CPED1: variants seen among roughly 807,000 people sequenced by gnomAD.
CPED1 encodes cadherin-like and PC-esterase domain-containing protein 1.
CPED1 carries 114 observed loss-of-function variants against 128.2 expected under a neutral mutation model. The observed-to-expected ratio is 0.89, with a 90% CI of 0.76 to 1.04. The LOEUF (loss-of-function observed/expected upper bound fraction) is 1.04, where lower values mean the gene tolerates loss of function less well. Among genes scored for constraint, CPED1 ranks in the 50% least tolerant of loss-of-function variants. The pLI, the probability that CPED1 is intolerant of heterozygous loss-of-function variation, is 0.00. For missense variants in CPED1, 1,211 were observed against 1,207.1 expected (o/e 1.00, Z -0.05); for synonymous variants, 462 against 426.7 (o/e 1.08, Z -1.02).
chr7:121,207,273 T>A (rs906770545), intron 16 of CPED1, among the ~76,000 whole-genome samples: 3 of 152,120 alleles, frequency 2.0e-5, no homozygotes, highest in Admixed American at 2.0e-4. Context: ...AGAAATGGAA[T>A]TTAAAAAAAA....
intron 16 of CPED1, among the ~76,000 whole-genome samples, chr7:121,196,801 T>G (rs1797284497): frequency 6.6e-6 from 1 of 151,956 alleles, no homozygotes; most frequent in Admixed American, 6.6e-5. Context: ...CACTAAAGTT[T>G]CTTTTTTTTT....
At chr7:121,261,712 C>A in intron 18 of CPED1, 1 of 1,604,270 alleles carries the variant, frequency 6.2e-7, no homozygotes, top group Admixed American at 1.7e-5. Flanking sequence ...AAATGACCTC[C>A]CTGCCCCACC....
At chr7:121,074,131 G>C (rs1402495994) in intron 5 of CPED1, among the ~76,000 whole-genome samples, 2 of 152,204 alleles carry the variant, frequency 1.3e-5, no homozygotes, top group Non-Finnish European at 2.9e-5. Context: ...TAGAGACATT[G>C]TGTTTGAGGG....
chr7:121,008,566 G>T (rs1434450701), intron 2 of CPED1, among the ~76,000 whole-genome samples: 3 of 151,812 alleles, frequency 2.0e-5, no homozygotes, highest in Non-Finnish European at 4.4e-5. Context: ...ATATAGGCAA[G>T]CATTAGTTAT....
chr7:121,019,434 G>T (rs1341405042), intron 3 of CPED1, among the ~76,000 whole-genome samples: 1 of 152,010 alleles, frequency 6.6e-6, no homozygotes, highest in Non-Finnish European at 1.5e-5. Flanking sequence ...AGTAGCCAGA[G>T]AAAGCGACCC....
At chr7:121,066,029 A>G (rs891755792) in intron 5 of CPED1, among the ~76,000 whole-genome samples, 4 of 152,162 alleles carry the variant, frequency 2.6e-5, no homozygotes, top group African/African-American at 9.6e-5. Flanking sequence ...GTATAAATAT[A>G]TAATTCAATA....
At chr7:121,009,523 C>T (rs558526062) in intron 2 of CPED1, among the ~76,000 whole-genome samples, 1 of 148,012 alleles carries the variant, frequency 6.8e-6, no homozygotes, top group East Asian at 2.0e-4. Flanking sequence ...GGGAGGATGG[C>T]TTGAGCCTGA....
rs1795489485 is a variant in CPED1, at chr7:121,125,840, T to C, written c.1082T>C (p.Leu361Pro). 6.2e-7 allele frequency: 1 copy of C among 1,613,336 alleles called. No homozygotes were observed. The highest frequency in any genetic ancestry group is 1.7e-5 in the Admixed American group (1 of 59,980). Residue 361 changes from leucine (L) to proline (P), a missense_variant, in exon 9 of 23, where the codon CTT (leucine) becomes CCT (proline). Leu to Pro is a moderately conservative substitution (Grantham distance 98, BLOSUM62 -3). Transcript: ENST00000310396. ...TTTAGATGCAGATTCTGCTTTCAACTTCTAACTTTTGATATTGGTTATGGC... is the reference window on the plus strand; with the variant it reads ...TTTAGATGCAGATTCTGCTTTCAACCTCTAACTTTTGATATTGGTTATGGC... ...TFHRCRFCFQ[L>P]LTFDIGYGSF...
At chr7:121,001,998 C>CAT (rs903034460) in intron 2 of CPED1, among the ~76,000 whole-genome samples, 38 of 151,704 alleles carry the variant, frequency 2.5e-4, no homozygotes, top group African/African-American at 4.1e-4. Flanking sequence ...CACACACACA[C>CAT]ATATATATAT....
intron 16 of CPED1, among the ~76,000 whole-genome samples, chr7:121,150,349 G>A (rs1279186831): frequency 2.0e-5 from 3 of 151,872 alleles, no homozygotes; most frequent in Non-Finnish European, 4.4e-5. Flanking sequence ...ATGGCCTCCA[G>A]CTGCATCCAT....
chr7:121,035,749 C>G (rs1360432451), intron 3 of CPED1, among the ~76,000 whole-genome samples: 1 of 152,064 alleles, frequency 6.6e-6, no homozygotes, highest in Non-Finnish European at 1.5e-5. Context: ...AGGAGGAACA[C>G]TTGAGTCCAG....
At chr7:121,063,587 T>C (rs1432072369) in intron 4 of CPED1, among the ~76,000 whole-genome samples, 2 of 152,106 alleles carry the variant, frequency 1.3e-5, no homozygotes, top group African/African-American at 4.8e-5. Flanking sequence ...TGAATCTGAT[T>C]TTCAAGCTAA....
At chr7:121,112,191 C>T (rs568983205) in intron 7 of CPED1, among the ~76,000 whole-genome samples, 3 of 152,212 alleles carry the variant, frequency 2.0e-5, no homozygotes, top group East Asian at 3.9e-4. Flanking sequence ...TATAGTAGAT[C>T]GAATGGCTGT....
Position 121,295,573 on chromosome 7 carries a change from A to G in CPED1, c.3002A>G (p.Tyr1001Cys), listed in dbSNP as rs1249749758. The G allele has an allele frequency of 1.2e-6, 2 of 1,614,134 alleles. No individual in the cohort carries two copies. The highest frequency in any genetic ancestry group is 1.1e-5 in the South Asian group (1 of 91,078). Residue 1001 changes from tyrosine (Y) to cysteine (C), a missense_variant, in exon 23 of 23, where the codon TAT becomes TGT. By Grantham distance (194) the Tyr-to-Cys change is radical (BLOSUM62 -2). Coordinates refer to ENST00000310396, the MANE Select transcript of CPED1 (RefSeq NM_024913.5). ...QGTVTNFRSP[Y>C]HVRGPINQVC... Reference sequence around the variant, plus strand: ...ACTGTAACAAATTTTCGATCGCCATATCATGTCAGAGGTCCAATAAATCAG... The same window carrying G: ...ACTGTAACAAATTTTCGATCGCCATGTCATGTCAGAGGTCCAATAAATCAG...
intron 7 of CPED1, among the ~76,000 whole-genome samples, chr7:121,116,230 G>A (rs1028449729): frequency 5.3e-5 from 8 of 152,142 alleles, no homozygotes; most frequent in African/African-American, 1.9e-4. Context: ...GTACGAATGA[G>A]TAAAATTATA....
intron 4 of CPED1, among the ~76,000 whole-genome samples, chr7:121,048,150 C>T (rs1434879721): frequency 6.6e-6 from 1 of 152,140 alleles, no homozygotes; most frequent in Non-Finnish European, 1.5e-5. Context: ...ATTTCAACAA[C>T]CATTTGTAGT....
intron 11 of CPED1, among the ~76,000 whole-genome samples, chr7:121,129,542 G>A (rs1200218181): frequency 6.6e-6 from 1 of 151,340 alleles, no homozygotes; most frequent in Non-Finnish European, 1.5e-5. Context: ...ACAACAGTTT[G>A]ACTAAATACT....
At chr7:121,019,592 CTATTATGCTAT>C (rs1353774996) in intron 3 of CPED1, among the ~76,000 whole-genome samples, 1 of 151,976 alleles carries the variant, frequency 6.6e-6, no homozygotes, top group African/African-American at 2.4e-5. Context: ...AGTCTGCTTG[CTATTATGCTAT>C]TACATTGCCT....
intron 9 of CPED1, 41 bp downstream of exon 9, chr7:121,125,933 G>T (rs1392537043): frequency 7.5e-7 from 1 of 1,339,084 alleles, no homozygotes; most frequent in Non-Finnish European, 1.1e-6. Flanking sequence ...CTACCTTGTG[G>T]TGAGAGATCA....
Sources: allele counts gnomAD v4.1 joint callset (sites outside exome capture counted in the v4.1 genomes callset), GRCh38; gene constraint gnomAD v4.1.1; transcripts MANE v1.5; gene names NCBI Gene and HGNC (gene_info 2026-07-23, HGNC 2026-07-21).